Variants in NKAIN2 observed in about 807,000 individuals in gnomAD.
NKAIN2 encodes sodium/potassium-transporting ATPase subunit beta-1-interacting protein 2.
Under a neutral mutation model 32.6 loss-of-function variants are expected in NKAIN2, and 14 were observed. The ratio of observed to expected loss-of-function variants is 0.43; its 90% CI spans 0.28 to 0.67. The LOEUF is 0.67. Ranked by LOEUF, NKAIN2 falls within the 30% of genes least tolerant of loss-of-function variation. NKAIN2 has a pLI of 0.17. For missense variants in NKAIN2, 198 were observed against 258.3 expected (o/e 0.77, Z 1.60); for synonymous variants, 80 against 87.2 (o/e 0.92, Z 0.46).
intron 1 of NKAIN2, among the ~76,000 whole-genome samples, chr6:123,992,610 A>G (rs756727112): frequency 6.6e-6 from 1 of 152,222 alleles, no homozygotes; most frequent in Non-Finnish European, 1.5e-5. Flanking sequence ...AATGTGATGA[A>G]TTTGAAGGGA....
intron 1 of NKAIN2, among the ~76,000 whole-genome samples, chr6:123,853,442 T>C (rs1030206364): frequency 1.3e-5 from 2 of 152,194 alleles, no homozygotes; most frequent in Non-Finnish European, 2.9e-5. Context: ...GAATTAGACC[T>C]GACATTTCGG....
At chr6:124,427,729 G>A (rs567062335) in intron 3 of NKAIN2, among the ~76,000 whole-genome samples, 1 of 152,022 alleles carries the variant, frequency 6.6e-6, no homozygotes, top group African/African-American at 2.4e-5. Flanking sequence ...TATTAGCTAC[G>A]CTTAATATAT....
chr6:124,796,568 T>C (rs539304049), intron 5 of NKAIN2, among the ~76,000 whole-genome samples: 1 of 152,212 alleles, frequency 6.6e-6, no homozygotes, highest in Admixed American at 6.5e-5. Context: ...GCTTCAGGGC[T>C]GTATTGCTGC....
At chr6:124,057,495 G>A (rs1199168951) in intron 1 of NKAIN2, among the ~76,000 whole-genome samples, 1 of 151,900 alleles carries the variant, frequency 6.6e-6, no homozygotes, top group Non-Finnish European at 1.5e-5. Flanking sequence ...TTTCGAAATA[G>A]AAGACACTAA....
intron 1 of NKAIN2, among the ~76,000 whole-genome samples, chr6:124,045,710 C>G (rs1447642628): frequency 6.6e-6 from 1 of 151,906 alleles, no homozygotes; most frequent in Non-Finnish European, 1.5e-5. Flanking sequence ...TCAGTTTATT[C>G]TAATGTATAA....
chr6:124,460,549 A>G (rs1776492485), intron 3 of NKAIN2, among the ~76,000 whole-genome samples: 1 of 151,714 alleles, frequency 6.6e-6, no homozygotes, highest in Admixed American at 6.6e-5. Context: ...TTATTAAGGT[A>G]TTATTTCATG....
intron 1 of NKAIN2, among the ~76,000 whole-genome samples, chr6:124,068,511 C>T (rs1237692884): frequency 6.6e-6 from 1 of 151,934 alleles, no homozygotes; most frequent in East Asian, 1.9e-4. Context: ...CCAACTCAGC[C>T]TCTTGAGTAG....
intron 4 of NKAIN2, among the ~76,000 whole-genome samples, chr6:124,672,418 G>T (rs1157766461): frequency 6.6e-6 from 1 of 152,062 alleles, no homozygotes; most frequent in East Asian, 1.9e-4. Context: ...TTGCTAAATT[G>T]TGTCTGCTTT....
intron 1 of NKAIN2, among the ~76,000 whole-genome samples, chr6:124,183,358 A>G (rs1176633193): frequency 6.6e-6 from 1 of 152,140 alleles, no homozygotes; most frequent in African/African-American, 2.4e-5. Flanking sequence ...TAATAAAAGT[A>G]TAGCAATATA....
chr6:124,227,352 G>C (rs1409367153), intron 1 of NKAIN2, among the ~76,000 whole-genome samples: 2 of 152,152 alleles, frequency 1.3e-5, no homozygotes, highest in Non-Finnish European at 2.9e-5. Flanking sequence ...AAAGGAAGTA[G>C]AGCTATAACA....
intron 3 of NKAIN2, among the ~76,000 whole-genome samples, chr6:124,632,509 C>CTA (rs2114314386): frequency 6.6e-6 from 1 of 152,184 alleles, no homozygotes; most frequent in East Asian, 1.9e-4. Context: ...ACTTCTAATT[C>CTA]TATTTTTCCT....
chr6:124,734,147 A>G (rs922696989), intron 4 of NKAIN2, among the ~76,000 whole-genome samples: 4 of 151,740 alleles, frequency 2.6e-5, no homozygotes, highest in African/African-American at 9.7e-5. Context: ...GCTGACTGAA[A>G]GAGTCTTATT....
rs916421488 is a variant in NKAIN2 at position 124,825,538 on chromosome 6, C to G, written c.*2309C>G. 1.3e-5 allele frequency: 2 copies of G among 150,886 alleles called. No homozygotes were observed. Among genetic ancestry groups the G allele is most frequent in the Non-Finnish European group, 3.0e-5 (2 of 67,528 alleles). The allele number at this position is 150,886 out of a possible 1,614,324, so 9.3% of individuals were successfully genotyped here. ...GCAAGGGTTATGATCCTGATGTGTC[C>G]TTTTTTTTTGCATTTGTTAATTCTG... On this transcript the variant is annotated 3_prime_UTR_variant, in exon 7 of 7. Transcript: ENST00000368417.
chr6:124,171,885 C>T (rs779647933), intron 1 of NKAIN2, among the ~76,000 whole-genome samples: 8 of 144,698 alleles, frequency 5.5e-5, no homozygotes, highest in Non-Finnish European at 9.0e-5. Context: ...CTCGCTCTGT[C>T]GCCCAGGATG....
chr6:124,542,490 A>C (rs1373811317), intron 3 of NKAIN2, among the ~76,000 whole-genome samples: 1 of 152,202 alleles, frequency 6.6e-6, no homozygotes, highest in East Asian at 1.9e-4. Flanking sequence ...GAGCCAAGAC[A>C]CATAGGCAGA....
chr6:124,163,360 T>C (rs767432095), intron 1 of NKAIN2, among the ~76,000 whole-genome samples: 2 of 152,000 alleles, frequency 1.3e-5, no homozygotes, highest in Non-Finnish European at 2.9e-5. Context: ...AATGAAACCA[T>C]TAAGGCCAAT....
At chr6:124,319,630 T>G (rs1221717319) in intron 2 of NKAIN2, among the ~76,000 whole-genome samples, 1 of 152,126 alleles carries the variant, frequency 6.6e-6, no homozygotes, top group South Asian at 2.1e-4. Flanking sequence ...TTGCTTTTCA[T>G]GACCTCCAGT....
At chr6:124,412,292 C>T (rs1774230988) in intron 3 of NKAIN2, among the ~76,000 whole-genome samples, 1 of 151,994 alleles carries the variant, frequency 6.6e-6, no homozygotes, top group South Asian at 2.1e-4. Context: ...CTGTTTTTTC[C>T]CCATCTTTGT....
intron 1 of NKAIN2, among the ~76,000 whole-genome samples, chr6:123,917,458 A>G (rs1168778925): frequency 6.6e-6 from 1 of 152,204 alleles, no homozygotes; most frequent in African/African-American, 2.4e-5. Context: ...CTCATTAAAT[A>G]AACTTACATT....
Sources: gnomAD v4.1 joint callset for allele counts (sites outside exome capture counted in the v4.1 genomes callset) on GRCh38, gnomAD v4.1.1 for gene constraint, MANE v1.5 for transcripts, NCBI Gene and HGNC (gene_info 2026-07-23, HGNC 2026-07-21) for gene names.